Variants in ZNF362 observed in about 807,000 individuals in gnomAD.
ZNF362 encodes the protein rotund homolog.
A neutral mutation model predicts 42.9 loss-of-function variants in ZNF362; 11 were observed. That is an observed-to-expected ratio of 0.26 (90% CI 0.16 to 0.42). ZNF362 has a LOEUF of 0.42. Among genes scored for constraint, ZNF362 ranks in the 20% least tolerant of loss-of-function variants. ZNF362 has a pLI of 1.00. For missense variants in ZNF362, 362 were observed against 576.2 expected (o/e 0.63, Z 3.81); for synonymous variants, 255 against 257.3 (o/e 0.99, Z 0.09).
chr1:33,275,057 T>G (rs1645933437), intron 2 of ZNF362: 1 of 985,444 alleles, frequency 1.0e-6, no homozygotes, highest in African/African-American at 1.7e-5. Context: ...CATTTTGGTC[T>G]TTCCTGTCAA....
the ZNF362 span, among the ~76,000 whole-genome samples, chr1:33,140,953 G>C: frequency 6.6e-6 from 1 of 152,206 alleles, no homozygotes; most frequent in Non-Finnish European, 1.5e-5. This position sits in a 1 kb window ranked among gnomAD's most constrained non-coding sequence, Gnocchi z 4.0. Flanking sequence ...ACTGAAGTTT[G>C]CATGAAAAGA....
At chr1:33,142,782 G>C in the ZNF362 span, 50 of 152,360 alleles carry the variant, frequency 3.3e-4, 1 homozygote, top group Admixed American at 2.7e-3. Context: ...CATTTCCAGA[G>C]AGGTCCAGTA....
chr1:33,251,747 T>G (rs1645763106), upstream of ZNF362, among the ~76,000 whole-genome samples: 1 of 152,344 alleles, frequency 6.6e-6, no homozygotes. Flanking sequence ...GGAAACACTC[T>G]TCCCTGGTGT....
the ZNF362 span, among the ~76,000 whole-genome samples, chr1:33,166,980 C>G: frequency 1.3e-5 from 2 of 152,218 alleles, no homozygotes; most frequent in African/African-American, 4.8e-5. Context: ...GATCCCACCT[C>G]TGTCTCCAAC....
the ZNF362 span, chr1:33,165,611 G>T: frequency 6.6e-7 from 1 of 1,526,342 alleles, no homozygotes; most frequent in Non-Finnish European, 8.9e-7. The surrounding 1 kb of genome is among the most constrained non-coding windows in gnomAD (Gnocchi z 4.0). Context: ...GCCATGCCTG[G>T]CCCAGGCATT....
intron 2 of ZNF362, 127 bp downstream of exon 2, chr1:33,270,739 G>C: frequency 6.7e-7 from 1 of 1,494,514 alleles, no homozygotes; most frequent in East Asian, 2.4e-5. Context: ...TGCCCTGGGG[G>C]AGGTGTGTGC....
chr1:33,207,373 C>T, the ZNF362 span, among the ~76,000 whole-genome samples: 2 of 152,076 alleles, frequency 1.3e-5, no homozygotes, highest in African/African-American at 4.8e-5. Flanking sequence ...GGGTTGGTTC[C>T]AAGTCTTTGC....
chr1:33,172,221 T>C, the ZNF362 span, among the ~76,000 whole-genome samples: 2 of 152,334 alleles, frequency 1.3e-5, no homozygotes, highest in South Asian at 2.1e-4. Flanking sequence ...AGTAACTATA[T>C]GTAAAGTTGG....
the ZNF362 span, among the ~76,000 whole-genome samples, chr1:33,137,220 A>G: frequency 2.0e-5 from 3 of 152,226 alleles, no homozygotes; most frequent in Admixed American, 1.3e-4. Flanking sequence ...GGAGGCTAAT[A>G]AGGAGCACAG....
intron 1 of ZNF362, among the ~76,000 whole-genome samples, chr1:33,269,796 G>A (rs1036634949): frequency 3.3e-5 from 5 of 152,162 alleles, no homozygotes; most frequent in African/African-American, 1.2e-4. Flanking sequence ...CCTTGCAGTG[G>A]GTAAGTCTTG....
At chr1:33,139,265 G>T in the ZNF362 span, among the ~76,000 whole-genome samples, 1 of 152,160 alleles carries the variant, frequency 6.6e-6, no homozygotes, top group Non-Finnish European at 1.5e-5. Flanking sequence ...GTTATCTCTG[G>T]TCTGTAAGTT....
the ZNF362 span, among the ~76,000 whole-genome samples, chr1:33,220,165 G>A: frequency 6.6e-6 from 1 of 152,162 alleles, no homozygotes; most frequent in Admixed American, 6.5e-5. Flanking sequence ...GGGCAGGGAA[G>A]GGGTTGTAAG....
At chr1:33,151,775 A>T in the ZNF362 span, among the ~76,000 whole-genome samples, 2 of 152,206 alleles carry the variant, frequency 1.3e-5, no homozygotes, top group African/African-American at 4.8e-5. Flanking sequence ...TTCAGGAAGG[A>T]TCATGGACTG....
At chr1:33,171,342 T>C in the ZNF362 span, among the ~76,000 whole-genome samples, 1 of 152,178 alleles carries the variant, frequency 6.6e-6, no homozygotes, top group African/African-American at 2.4e-5. Flanking sequence ...CACCTAATTC[T>C]CACAACAATC....
At chr1:33,174,072 G>A in the ZNF362 span, among the ~76,000 whole-genome samples, 1 of 152,092 alleles carries the variant, frequency 6.6e-6, no homozygotes, top group Admixed American at 6.5e-5. Context: ...CCATTTTTAG[G>A]TGTACAATTC....
the ZNF362 span, among the ~76,000 whole-genome samples, chr1:33,175,587 G>A: frequency 6.6e-6 from 1 of 152,168 alleles, no homozygotes; most frequent in Non-Finnish European, 1.5e-5. Context: ...TGCTCCCTGG[G>A]ACAGTTGGCG....
the ZNF362 span, among the ~76,000 whole-genome samples, chr1:33,228,332 C>T: frequency 4.6e-5 from 7 of 152,160 alleles, no homozygotes; most frequent in Non-Finnish European, 8.8e-5. Context: ...CTATCTGGTA[C>T]TCAGGCTTTC....
At chr1:33,257,470 C>G (rs1247605431) in intron 1 of ZNF362, among the ~76,000 whole-genome samples, 1 of 145,808 alleles carries the variant, frequency 6.9e-6, no homozygotes, top group Non-Finnish European at 1.5e-5. Flanking sequence ...GCGAAAGGAT[C>G]TCGAGGCCCA....
At chr1:33,181,113 C>T in the ZNF362 span, 2 of 1,600,106 alleles carry the variant, frequency 1.2e-6, no homozygotes, top group Non-Finnish European at 1.7e-6. The surrounding 1 kb of genome is among the most constrained non-coding windows in gnomAD (Gnocchi z 6.5). Flanking sequence ...GAGAAGCGCG[C>T]GGTCCGTGAG....
Sources: gnomAD v4.1 joint callset for allele counts (sites outside exome capture counted in the v4.1 genomes callset) on GRCh38, gnomAD v4.1.1 for gene constraint, Gnocchi (gnomAD v3.1) non-coding constraint, MANE v1.5 for transcripts, NCBI Gene and HGNC (gene_info 2026-07-23, HGNC 2026-07-21) for gene names.